GLB1L2: variants seen among roughly 807,000 people sequenced by gnomAD.
GLB1L2 encodes galactosidase beta 1 like 2.
In GLB1L2, 68 loss-of-function variants were observed where a neutral mutation model predicts 84.1. That is an observed-to-expected ratio of 0.81 (90% CI 0.67 to 0.99). GLB1L2 has a LOEUF of 0.99. Among genes scored for constraint, GLB1L2 ranks in the 50% least tolerant of loss-of-function variants. The pLI is 0.00. For missense variants in GLB1L2, 762 were observed against 805.6 expected (o/e 0.95, Z 0.66); for synonymous variants, 290 against 318.0 (o/e 0.91, Z 0.94).
At position 134,371,461 on chromosome 11, in the gene GLB1L2, A is replaced by G; in HGVS notation, c.1397A>G (p.Lys466Arg). ...GTATCCATAGGATTCTTGGACTACAAGACAACGAAGATTGCTGTCCCCCTG... is the reference window on the plus strand; with the variant it reads ...GTATCCATAGGATTCTTGGACTACAGGACAACGAAGATTGCTGTCCCCCTG... ...NTVSIGFLDY[K>R]TTKIAVPLIQ... The change falls in exon 14 of 19, where the codon AAG becomes AGG. Residue 466 changes from lysine to arginine, a missense_variant. This residue lies in a region of GLB1L2 where 603 missense variants were observed against 611.7 expected (regional missense o/e 0.99). Transcript: ENST00000535456. The G allele has an allele frequency of 6.2e-7, 1 of 1,600,478 alleles. No individual in the cohort carries two copies. Among genetic ancestry groups the G allele is most frequent in the Non-Finnish European group, 8.6e-7 (1 of 1,167,558 alleles).
intron 4 of GLB1L2, 148 bp downstream of exon 4, chr11:134,345,277 C>A: frequency 9.8e-7 from 1 of 1,016,882 alleles, no homozygotes; most frequent in Non-Finnish European, 1.4e-6. Context: ...GGAAAAGCAG[C>A]ACCCAGAGGG....
chr11:134,337,589 CCAAA>C (rs1943405076), intron 1 of GLB1L2, among the ~76,000 whole-genome samples: 1 of 152,220 alleles, frequency 6.6e-6, no homozygotes, highest in Non-Finnish European at 1.5e-5. Context: ...CAAAATATCC[CCAAA>C]CAGACAGTTT....
chr11:134,357,740 G>A (rs917907224), intron 6 of GLB1L2, among the ~76,000 whole-genome samples: 2 of 152,260 alleles, frequency 1.3e-5, no homozygotes, highest in Non-Finnish European at 2.9e-5. Flanking sequence ...CAGCCTCTGT[G>A]GTCCGGAAGC....
In GLB1L2 at chr11:134,375,136, C is replaced by A; in HGVS notation, c.*78C>A. 1 of 1,111,250 alleles carries A rather than the reference C, an allele frequency of 9.0e-7. No homozygotes were observed. Among genetic ancestry groups the A allele is most frequent in the Non-Finnish European group, 1.3e-6 (1 of 750,838 alleles). 68.8% of individuals were successfully genotyped at this position (1,111,250 alleles called of 1,614,324 possible). A position where few individuals can be genotyped will look rare whatever the true frequency, so the allele number is the denominator to read the frequency against. On this transcript the variant is annotated 3_prime_UTR_variant, in exon 19 of 19. Transcript: ENST00000535456. ...ACCTGAAGCCTGGTGGCTGCTGCCC[C>A]ACCCCTCACTGCAAAAGCATCTCCT...
chr11:134,365,346 G>C (rs1455063419), intron 8 of GLB1L2, among the ~76,000 whole-genome samples: 1 of 152,234 alleles, frequency 6.6e-6, no homozygotes. Flanking sequence ...GCGCGATCCA[G>C]CTGGGTCTCT....
chr11:134,347,274 C>T, intron 4 of GLB1L2, 51 bp from the exon 5 acceptor site: 2 of 1,401,948 alleles, frequency 1.4e-6, no homozygotes, highest in Non-Finnish European at 1.0e-6. Context: ...CTGCTCACAG[C>T]AAACCCACTG....
chr11:134,362,253 G>A (rs1943803327), intron 7 of GLB1L2, among the ~76,000 whole-genome samples: 1 of 152,038 alleles, frequency 6.6e-6, no homozygotes, highest in South Asian at 2.1e-4. Flanking sequence ...TTTAGAAATG[G>A]ATACTACCTT....
chr11:134,356,300 G>C lies in GLB1L2; in HGVS notation c.559-1G>C, dbSNP rs1281044527. The C allele has an allele frequency of 4.3e-6, 7 of 1,613,384 alleles. No homozygotes were observed. The highest frequency in any genetic ancestry group is 5.9e-6 in the Non-Finnish European group (7 of 1,179,476). ...CCTGGTTTTCTGTCTTTTCTCCGCA[G>C]TACAAGCGTGGGGGACCTATCATTG... On this transcript the variant is annotated splice_acceptor_variant, in intron 5 of 18. Coordinates refer to ENST00000535456, the MANE Select transcript of GLB1L2 (RefSeq NM_001370461.1). LOFTEE classifies it high-confidence loss of function.
intron 5 of GLB1L2, among the ~76,000 whole-genome samples, chr11:134,355,421 T>C (rs964258863): frequency 6.6e-6 from 1 of 152,210 alleles, no homozygotes; most frequent in African/African-American, 2.4e-5. Flanking sequence ...CATTGGGCTT[T>C]TGAAAAAACA....
intron 2 of GLB1L2, among the ~76,000 whole-genome samples, chr11:134,343,861 C>T (rs1565434426): frequency 6.6e-6 from 1 of 152,204 alleles, no homozygotes; most frequent in East Asian, 1.9e-4. Context: ...CTGCGAAAGC[C>T]AGCGATGGGG....
chr11:134,336,131 G>C (rs1411353591), intron 1 of GLB1L2, among the ~76,000 whole-genome samples: 1 of 152,218 alleles, frequency 6.6e-6, no homozygotes. Context: ...GTGTCTGCCT[G>C]TTAGAGACTC....
intron 1 of GLB1L2, among the ~76,000 whole-genome samples, chr11:134,342,479 G>T (rs1181143861): frequency 6.6e-6 from 1 of 152,118 alleles, no homozygotes; most frequent in African/African-American, 2.4e-5. Flanking sequence ...CCCGTGGCGT[G>T]ACGGCTGCCG....
At chr11:134,354,670 G>A (rs746517367) in intron 5 of GLB1L2, among the ~76,000 whole-genome samples, 18 of 151,920 alleles carry the variant, frequency 1.2e-4, no homozygotes, top group Non-Finnish European at 1.6e-4. Context: ...TTTCCTTTCA[G>A]CACTTTGACT....
chr11:134,370,176 C>T lies in GLB1L2; in HGVS notation c.1109-117C>T. 1.1e-6 allele frequency: 1 copy of T among 883,176 alleles called. No individual in the cohort carries two copies. 54.7% of individuals were successfully genotyped at this position (883,176 alleles called of 1,614,324 possible). On this transcript the variant is annotated intron_variant, in intron 11 of 18. Coordinates refer to ENST00000535456, the MANE Select transcript of GLB1L2 (RefSeq NM_001370461.1). This position sits in a 1 kb window ranked among gnomAD's most constrained non-coding sequence, Gnocchi z 4.7. ...AGGTGCTGAGAGCTAGCCTGTTGTT[C>T]CTCTTGGTGCTGGGACGCAGGAGCA...
intron 6 of GLB1L2, among the ~76,000 whole-genome samples, 176 bp downstream of exon 6, chr11:134,356,569 T>C (rs1565438525): frequency 6.6e-6 from 1 of 152,214 alleles, no homozygotes; most frequent in Non-Finnish European, 1.5e-5. Context: ...TTACCCTTGA[T>C]TGAGTTTCAT....
intron 5 of GLB1L2, among the ~76,000 whole-genome samples, chr11:134,355,153 G>A (rs2136275704): frequency 6.6e-6 from 1 of 152,076 alleles, no homozygotes. Flanking sequence ...TTTATATATG[G>A]TATATTTCAG....
chr11:134,370,162 G>A lies in GLB1L2; in HGVS notation c.1109-131G>A. The A allele has an allele frequency of 1.2e-6, 1 of 831,928 alleles. No individual in the cohort carries two copies. The allele number at this position is 831,928 out of a possible 1,614,324, so 51.5% of individuals were successfully genotyped here. A position where few individuals can be genotyped will look rare whatever the true frequency, so the allele number is the denominator to read the frequency against. On this transcript the variant is annotated intron_variant, in intron 11 of 18. Coordinates refer to ENST00000535456, the MANE Select transcript of GLB1L2 (RefSeq NM_001370461.1). The surrounding 1 kb of genome is among the most constrained non-coding windows in gnomAD (Gnocchi z 4.7). ...TCCCTGGCCTCAGCAGGTGCTGAGAGCTAGCCTGTTGTTCCTCTTGGTGCT... is the reference window on the plus strand; with the variant it reads ...TCCCTGGCCTCAGCAGGTGCTGAGAACTAGCCTGTTGTTCCTCTTGGTGCT...
intron 9 of GLB1L2, 59 bp downstream of exon 9, chr11:134,367,400 T>G (rs1172669631): frequency 2.9e-6 from 4 of 1,387,870 alleles, no homozygotes; most frequent in African/African-American, 1.4e-5. Flanking sequence ...GAGGATGAGT[T>G]TCAGTCACCT....
intron 1 of GLB1L2, among the ~76,000 whole-genome samples, chr11:134,335,786 G>A (rs772036970): frequency 1.3e-5 from 2 of 152,078 alleles, no homozygotes; most frequent in African/African-American, 2.4e-5. Context: ...GTTCCACGAG[G>A]TCATGTCAGA....
Sources: allele counts gnomAD v4.1 joint callset (sites outside exome capture counted in the v4.1 genomes callset), GRCh38; gene constraint gnomAD v4.1.1; regional missense constraint gnomAD v4.1.1; non-coding constraint Gnocchi (gnomAD v3.1); transcripts MANE v1.5; gene names NCBI Gene and HGNC (gene_info 2026-07-23, HGNC 2026-07-21).